NRXN3: variants seen among roughly 807,000 people sequenced by gnomAD.
NRXN3 encodes neurexin 3, also known as neurexin III.
NRXN3 carries 32 observed loss-of-function variants against 137.6 expected under a neutral mutation model. That is an observed-to-expected ratio of 0.23 (90% CI 0.18 to 0.31). The LOEUF is 0.31. Among genes scored for constraint, NRXN3 ranks in the 10% least tolerant of loss-of-function variants. The pLI, the probability that NRXN3 is intolerant of heterozygous loss-of-function variation, is 1.00. For missense variants in NRXN3, 1,574 were observed against 2,062.5 expected (o/e 0.76, Z 4.59); for synonymous variants, 798 against 784.5 (o/e 1.02, Z -0.29).
intron 16 of NRXN3, among the ~76,000 whole-genome samples, chr14:79,571,558 A>C (rs2153798070): frequency 6.6e-6 from 1 of 152,238 alleles, no homozygotes; most frequent in African/African-American, 2.4e-5. Context: ...TCCGCAATGA[A>C]TGCCTGGGCC....
chr14:78,414,220 G>T (rs987606815), intron 4 of NRXN3, among the ~76,000 whole-genome samples: 1 of 151,960 alleles, frequency 6.6e-6, no homozygotes, highest in African/African-American at 2.4e-5. Flanking sequence ...TTTTTCTGGG[G>T]GTGATATTGT....
chr14:78,707,072 C>T (rs955575780), intron 6 of NRXN3, among the ~76,000 whole-genome samples: 1 of 152,162 alleles, frequency 6.6e-6, no homozygotes, highest in African/African-American at 2.4e-5. Flanking sequence ...TTAACAATAA[C>T]CCTCCAAATA....
chr14:79,755,758 T>C (rs1176385336), intron 19 of NRXN3, among the ~76,000 whole-genome samples: 1 of 152,148 alleles, frequency 6.6e-6, no homozygotes. Flanking sequence ...CAGATAGGAA[T>C]TGAATTCTTG....
At chr14:79,723,622 A>G (rs2098858507) in intron 19 of NRXN3, among the ~76,000 whole-genome samples, 1 of 152,088 alleles carries the variant, frequency 6.6e-6, no homozygotes, top group African/African-American at 2.4e-5. Context: ...GAGACGAATG[A>G]AATTTCAGAC....
intron 15 of NRXN3, among the ~76,000 whole-genome samples, chr14:79,008,162 C>A (rs1052695377): frequency 5.3e-5 from 8 of 152,174 alleles, no homozygotes; most frequent in Non-Finnish European, 7.3e-5. Context: ...AATTAGAAAA[C>A]CATTTCTACA....
At chr14:79,093,893 T>C (rs1360788225) in intron 15 of NRXN3, among the ~76,000 whole-genome samples, 2 of 21,040 alleles carry the variant, frequency 9.5e-5, no homozygotes, top group Admixed American at 1.4e-3. Flanking sequence ...TCATTCTGAT[T>C]GATTTTTTTT....
intron 1 of NRXN3, among the ~76,000 whole-genome samples, chr14:78,204,078 T>C (rs2061956525): frequency 6.6e-6 from 1 of 152,186 alleles, no homozygotes; most frequent in African/African-American, 2.4e-5. Flanking sequence ...ACTTTATTCC[T>C]TATTGTTGGA....
intron 4 of NRXN3, among the ~76,000 whole-genome samples, chr14:78,496,576 A>G (rs1297278457): frequency 6.6e-6 from 1 of 152,154 alleles, no homozygotes; most frequent in Non-Finnish European, 1.5e-5. Context: ...AGGAAAAAAT[A>G]TCCTTCCTTT....
At chr14:79,061,498 G>A (rs1362310240) in intron 15 of NRXN3, among the ~76,000 whole-genome samples, 2 of 152,190 alleles carry the variant, frequency 1.3e-5, no homozygotes, top group South Asian at 4.1e-4. Context: ...TGATAAGGGT[G>A]TGTAGTGAAT....
intron 1 of NRXN3, among the ~76,000 whole-genome samples, chr14:78,218,306 T>C (rs986355403): frequency 6.6e-6 from 1 of 152,054 alleles, no homozygotes; most frequent in Non-Finnish European, 1.5e-5. Flanking sequence ...CAGTAAGCCA[T>C]GCTCACGCCA....
chr14:79,781,038 G>C (rs571698880), intron 19 of NRXN3, among the ~76,000 whole-genome samples: 2 of 111,432 alleles, frequency 1.8e-5, no homozygotes, highest in Admixed American at 9.4e-5. Context: ...TGGCTCATAA[G>C]GTAATTTTTT....
intron 15 of NRXN3, among the ~76,000 whole-genome samples, chr14:79,242,780 C>T (rs2074512844): frequency 6.6e-6 from 1 of 152,130 alleles, no homozygotes; most frequent in African/African-American, 2.4e-5. Context: ...CCCAAGGATC[C>T]TGTTACAGCA....
In NRXN3 at chr14:79,634,258, G is replaced by T. The variant is rs112643445; in HGVS notation, c.3445-29520G>T. On this transcript the variant is annotated intron_variant, in intron 16 of 20. Transcript: ENST00000335750. Reference sequence around the variant, plus strand: ...TACTATCTATCCTGTGTTGTCTAAGGCTATATAATGTCGAGAGACGGGCTA... The same window carrying T: ...TACTATCTATCCTGTGTTGTCTAAGTCTATATAATGTCGAGAGACGGGCTA... Among the ~76,000 whole-genome samples the T allele has an allele frequency of 2.1e-4, 32 of 152,148 alleles. 1 individual carries two copies. Among genetic ancestry groups the T allele is most frequent in the African/African-American group, 7.7e-4 (32 of 41,520 alleles).
intron 8 of NRXN3, among the ~76,000 whole-genome samples, chr14:78,760,445 C>G (rs754402598): frequency 6.1e-5 from 9 of 148,040 alleles, no homozygotes; most frequent in Non-Finnish European, 1.2e-4. Flanking sequence ...TTATATATAG[C>G]GAATGAATAA....
chr14:78,219,520 T>C (rs2063618459), intron 1 of NRXN3, among the ~76,000 whole-genome samples: 2 of 152,234 alleles, frequency 1.3e-5, no homozygotes, highest in African/African-American at 2.4e-5. Context: ...TTGGGTTTCA[T>C]CTTGGCCCTG....
At chr14:79,650,089 T>G (rs1392119434) in intron 16 of NRXN3, among the ~76,000 whole-genome samples, 2 of 152,066 alleles carry the variant, frequency 1.3e-5, no homozygotes, top group African/African-American at 4.8e-5. Context: ...GACATCCAGC[T>G]GGTGTCTGCT....
intron 9 of NRXN3, 38 bp downstream of exon 9, chr14:78,803,861 T>G: frequency 6.4e-7 from 1 of 1,553,996 alleles, no homozygotes; most frequent in Non-Finnish European, 8.8e-7. Context: ...TCGTTTGGGC[T>G]TGTCTTCCCT....
chr14:78,201,862 G>A (rs116319257), intron 1 of NRXN3, among the ~76,000 whole-genome samples: 56 of 152,280 alleles, frequency 3.7e-4, no homozygotes, highest in Admixed American at 2.5e-3. Context: ...GATGACGCGC[G>A]TCTGAAGTGT....
intron 4 of NRXN3, among the ~76,000 whole-genome samples, chr14:78,571,151 C>T (rs2096885822): frequency 6.6e-6 from 1 of 152,204 alleles, no homozygotes; most frequent in Non-Finnish European, 1.5e-5. Context: ...TCCCATTTCA[C>T]CCAATCAATA....
Sources: allele counts gnomAD v4.1 joint callset (sites outside exome capture counted in the v4.1 genomes callset), GRCh38; gene constraint gnomAD v4.1.1; transcripts MANE v1.5; gene names NCBI Gene and HGNC (gene_info 2026-07-23, HGNC 2026-07-21).